ZBTB47: variants seen among roughly 807,000 people sequenced by gnomAD.
The protein encoded by ZBTB47 is zinc finger and BTB domain-containing protein 47.
A neutral mutation model predicts 56.6 loss-of-function variants in ZBTB47; 24 were observed. That is an observed-to-expected ratio of 0.42 (90% CI 0.31 to 0.60). ZBTB47 has a LOEUF of 0.60. ZBTB47 is among the 20% of genes least tolerant of loss of function. The probability of loss-of-function intolerance (pLI) is 0.14; values close to 1 mark genes in which losing one functional copy is unlikely to be tolerated. For synonymous variants in ZBTB47, 414 were observed against 418.9 expected (o/e 0.99, Z 0.14); for missense variants, 829 against 1,032.6 (o/e 0.80, Z 2.70).
Position 42,664,511 on chromosome 3 carries a change from C to T in ZBTB47, c.2157C>T (p.Thr719=), listed in dbSNP as rs1452781758. ...CCCTGCTCCCGGGGCTGCCCCAGAC[C>T]CTGCCGCCCCCGCCCCACCTGCCGC... is the stretch of plus-strand genomic sequence containing the variant. ...ALPLLPGLPQ[T]LPPPPHLPPP... is the part of the protein sequence containing the mutation. Residue 719 remains threonine, a synonymous_variant, in exon 6 of 6, where the codon ACC becomes ACT. Transcript: ENST00000232974. 2.1e-6 allele frequency: 3 copies of T among 1,435,638 alleles called. No individual in the cohort carries two copies. The highest frequency in any genetic ancestry group is 5.6e-5 in the Admixed American group (2 of 35,732). 88.9% of individuals were successfully genotyped at this position (1,435,638 alleles called of 1,614,324 possible). A position where few individuals can be genotyped will look rare whatever the true frequency, so the allele number is the denominator to read the frequency against.
rs1054646889 is a variant in ZBTB47, at chr3:42,656,206, G to A, written c.-81-2069G>A. Among the ~76,000 whole-genome samples, 1 of 152,236 alleles carries A rather than the reference G, an allele frequency of 6.6e-6. No individual in the cohort carries two copies. Among genetic ancestry groups the A allele is most frequent in the Non-Finnish European group, 1.5e-5 (1 of 68,030 alleles). On this transcript the variant is annotated intron_variant, in intron 1 of 5. Coordinates refer to ENST00000232974, the MANE Select transcript of ZBTB47 (RefSeq NM_145166.4). The surrounding 1 kb of genome is among the most constrained non-coding windows in gnomAD (Gnocchi z 5.8). ...CCTGCAGGTGCAGTGGCTCTAGGGA[G>A]GAGGGAGCAGGTAGAGGGGATAGTG...
At position 42,654,999 on chromosome 3, in the gene ZBTB47, G is replaced by A. The variant is rs181760200; in HGVS notation, c.-82+1116G>A. On this transcript the variant is annotated intron_variant, in intron 1 of 5. Transcript: ENST00000232974. This position sits in a 1 kb window ranked among gnomAD's most constrained non-coding sequence, Gnocchi z 5.0. ...GGCGCCGCCCTCGGGCTGGGTAATG[G>A]GGGGAAGAGGGAGTCGGATTCCCGC... 1.1e-3 allele frequency among the ~76,000 whole-genome samples: 171 copies of A among 152,250 alleles called. No individual in the cohort carries two copies. The highest frequency in any genetic ancestry group is 2.0e-3 in the Non-Finnish European group (137 of 67,996).
In ZBTB47 at chr3:42,654,766, C is replaced by T. The variant is rs1577623300; in HGVS notation, c.-82+883C>T. On this transcript the variant is annotated intron_variant, in intron 1 of 5. Transcript: ENST00000232974. This position sits in a 1 kb window ranked among gnomAD's most constrained non-coding sequence, Gnocchi z 5.0. ...AGCTCTGACCTCCCAGGCACACGGCCCGCGGGCCCGGGTGGAGGGGCTGGA... is the reference window on the plus strand; with the variant it reads ...AGCTCTGACCTCCCAGGCACACGGCTCGCGGGCCCGGGTGGAGGGGCTGGA... 1 of 970,782 alleles carries T rather than the reference C, an allele frequency of 1.0e-6. No homozygotes were observed. The highest frequency in any genetic ancestry group is 1.2e-6 in the Non-Finnish European group (1 of 816,618). The allele number at this position is 970,782 out of a possible 1,614,324, so 60.1% of individuals were successfully genotyped here.
chr3:42,656,952 G>T lies in ZBTB47; in HGVS notation c.-81-1323G>T, dbSNP rs1559606200. ...ATGGTTTTGTGGCCATCAAAATATTGTGGCAAGGTACCTCCCGAATGCAGG... is the reference window on the plus strand; with the variant it reads ...ATGGTTTTGTGGCCATCAAAATATTTTGGCAAGGTACCTCCCGAATGCAGG... On this transcript the variant is annotated intron_variant, in intron 1 of 5. Transcript: ENST00000232974. This position sits in a 1 kb window ranked among gnomAD's most constrained non-coding sequence, Gnocchi z 5.8. 1.3e-5 allele frequency among the ~76,000 whole-genome samples: 2 copies of T among 152,166 alleles called. No homozygotes were observed. The highest frequency in any genetic ancestry group is 2.9e-5 in the Non-Finnish European group (2 of 68,026).
In ZBTB47 at chr3:42,663,945, C is replaced by A. The variant is rs918953486; in HGVS notation, c.1882+4C>A. 3 of 1,608,074 alleles carry A rather than the reference C, an allele frequency of 1.9e-6. No homozygotes were observed. The highest frequency in any genetic ancestry group is 2.2e-5 in the South Asian group (2 of 90,362). On this transcript the variant is annotated splice_donor_region_variant and intron_variant, in intron 5 of 5. Transcript: ENST00000232974. This position sits in a 1 kb window ranked among gnomAD's most constrained non-coding sequence, Gnocchi z 5.1. The stretch of plus-strand genomic sequence containing the variant: ...GAGCACATGAAGACCCACACAGGTG[C>A]GGCTGCCCCTGGGGACGGAGCTCGG...
rs555819560 is a variant in ZBTB47 at position 42,658,844 on chromosome 3, C to T, written c.489C>T (p.Tyr163=). The T allele has an allele frequency of 2.2e-5, 34 of 1,532,810 alleles. No individual in the cohort carries two copies. In the East Asian group the frequency reaches 6.6e-4, roughly 30 times the overall value. The allele number at this position is 1,532,810 out of a possible 1,614,324, so 95.0% of individuals were successfully genotyped here. A position where few individuals can be genotyped will look rare whatever the true frequency, so the allele number is the denominator to read the frequency against. The change falls in exon 2 of 6, where the codon TAC becomes TAT. Residue 163 remains tyrosine, a synonymous_variant. Coordinates refer to ENST00000232974, the MANE Select transcript of ZBTB47 (RefSeq NM_145166.4). Reference sequence around the variant, plus strand: ...ATGCCCGCGAGGGCCCTGACCCTTACTCGGTGCGTGTTGAGGACGGGGCAG... The same window carrying T: ...ATGCCCGCGAGGGCCCTGACCCTTATTCGGTGCGTGTTGAGGACGGGGCAG... The part of the protein sequence containing the change: ...KIYAREGPDP[Y]SVRVEDGAGT...
At position 42,658,433 on chromosome 3, in the gene ZBTB47, C is replaced by A. The variant is rs1436122951; in HGVS notation, c.78C>A (p.Ser26Arg). The change falls in exon 2 of 6, where the codon AGC becomes AGA. Residue 26 changes from serine to arginine, a missense_variant. Ser to Arg is a moderately radical substitution (Grantham distance 110). Coordinates refer to ENST00000232974, the MANE Select transcript of ZBTB47 (RefSeq NM_145166.4). ...DVDLVLVPQR[S>R]VFPAHKGVLA... ...ACTTGGTGCTGGTGCCCCAGCGCAG[C>A]GTCTTTCCGGCACACAAGGGTGTGC... 1.3e-6 allele frequency: 2 copies of A among 1,537,034 alleles called. No individual in the cohort carries two copies. Among genetic ancestry groups the A allele is most frequent in the South Asian group, 1.2e-5 (1 of 84,062 alleles).
At position 42,666,313 on chromosome 3, in the gene ZBTB47, T is replaced by C. The variant is rs1345313062; in HGVS notation, c.*1715T>C. The stretch of plus-strand genomic sequence containing the variant: ...GTACGCTCAGGCGCTCCTGCTGTCC[T>C]GGGGGAGAGAAGGTTCGCCCCTCCC... On this transcript the variant is annotated 3_prime_UTR_variant, in exon 6 of 6. Transcript: ENST00000232974. Among the ~76,000 whole-genome samples, 3 of 152,192 alleles carry C rather than the reference T, an allele frequency of 2.0e-5. No homozygotes were observed. Among genetic ancestry groups the C allele is most frequent in the Non-Finnish European group, 4.4e-5 (3 of 68,028 alleles).
chr3:42,658,204 A>T, intron 1 of ZBTB47, 71 bp from the exon 2 acceptor site: 1 of 1,407,170 alleles, frequency 7.1e-7, no homozygotes, highest in South Asian at 1.5e-5. Flanking sequence ...CAATGCTGGG[A>T]GTGGTGCTGG....
At chr3:42,664,073 C>T in intron 5 of ZBTB47, 132 bp downstream of exon 5, 2 of 1,468,442 alleles carry the variant, frequency 1.4e-6, no homozygotes, top group Non-Finnish European at 1.8e-6. Flanking sequence ...TGCTTCCTGC[C>T]TCCCAGGGTT....
At position 42,654,969 on chromosome 3, in the gene ZBTB47, C is replaced by G. The variant is rs1710621116; in HGVS notation, c.-82+1086C>G. Among the ~76,000 whole-genome samples the G allele has an allele frequency of 6.6e-6, 1 of 152,040 alleles. No individual in the cohort carries two copies. The highest frequency in any genetic ancestry group is 2.1e-4 in the South Asian group (1 of 4,826). On this transcript the variant is annotated intron_variant, in intron 1 of 5. Coordinates refer to ENST00000232974, the MANE Select transcript of ZBTB47 (RefSeq NM_145166.4). This position sits in a 1 kb window ranked among gnomAD's most constrained non-coding sequence, Gnocchi z 5.0. ...GCGAAGGGGGGCGCTCCCCTGCGCC[C>G]GGACGGCGCCGCCCTCGGGCTGGGT...
intron 2 of ZBTB47, 119 bp downstream of exon 2, chr3:42,659,947 G>C: frequency 7.3e-7 from 1 of 1,373,916 alleles, no homozygotes; most frequent in South Asian, 1.5e-5. Context: ...GCGGAGACCA[G>C]ACTTAGCCCC....
In ZBTB47 at chr3:42,664,344, G is replaced by A. The variant is rs756092042; in HGVS notation, c.1990G>A (p.Val664Met). ...GGGCGAGAAGCCGTACCCGTGCGAC[G>A]TGTGTGGCCAGCGCTTCCGCTTCTC... is the stretch of plus-strand genomic sequence containing the variant. ...HTGEKPYPCDVCGQRFRFSNM... is the reference protein window; with the variant it reads ...HTGEKPYPCDMCGQRFRFSNM... Residue 664 changes from valine to methionine, a missense_variant, in exon 6 of 6, where the codon GTG (valine) becomes ATG (methionine). By Grantham distance (21) the Val-to-Met change is conservative. Coordinates refer to ENST00000232974, the MANE Select transcript of ZBTB47 (RefSeq NM_145166.4). 3.7e-6 allele frequency: 6 copies of A among 1,612,722 alleles called. No individual in the cohort carries two copies. The highest frequency in any genetic ancestry group is 3.3e-4 in the Middle Eastern group (2 of 6,076).
upstream of ZBTB47, among the ~76,000 whole-genome samples, chr3:42,652,956 T>G (rs1025375987): frequency 5.3e-5 from 8 of 152,332 alleles, no homozygotes; most frequent in African/African-American, 1.9e-4. Context: ...GCGGGCTAGC[T>G]GGTCAGAAGC....
At position 42,659,585 on chromosome 3, in the gene ZBTB47, GGCCTCTGCATCGGCCCGAGGGCCGCCA is replaced by G. The variant is rs1710688449; in HGVS notation, c.1234_1260del (p.Ser412_Ala420del). ...AGAGGCCAAAGCCACCCCCTGGAGTGGCCTCTGCATCGGCCCGAGGGCCGCCAGCCACTGATGGGCTGGGGGCCAAGG... is the reference window on the plus strand; with the variant it reads ...AGAGGCCAAAGCCACCCCCTGGAGTGGCCACTGATGGGCTGGGGGCCAAGG... On this transcript the variant is annotated inframe_deletion, in exon 2 of 6. Transcript: ENST00000232974. 5.6e-6 allele frequency: 9 copies of G among 1,602,898 alleles called. No homozygotes were observed. The highest frequency in any genetic ancestry group is 7.7e-6 in the Non-Finnish European group (9 of 1,174,764).
In ZBTB47 at chr3:42,656,391, T is replaced by C. The variant is rs1162966264; in HGVS notation, c.-81-1884T>C. ...GCTCTGGACTGTGGAACCCTCTCAT[T>C]CTGAGCCTCGGTTTCTCCATCTGTG... On this transcript the variant is annotated intron_variant, in intron 1 of 5. Transcript: ENST00000232974. The surrounding 1 kb of genome is among the most constrained non-coding windows in gnomAD (Gnocchi z 5.8). 6.6e-6 allele frequency among the ~76,000 whole-genome samples: 1 copy of C among 152,134 alleles called. No homozygotes were observed. The highest frequency in any genetic ancestry group is 1.9e-4 in the East Asian group (1 of 5,178).
Position 42,664,758 on chromosome 3 carries a change from G to T in ZBTB47, c.*160G>T. On this transcript the variant is annotated 3_prime_UTR_variant, in exon 6 of 6. Transcript: ENST00000232974. ...CTGCCTGAGGCCCCGACGAGGAGGG[G>T]TATGCAGGCTGGCAGGCCCCAGAGC... is the stretch of plus-strand genomic sequence containing the variant. 2.4e-6 allele frequency: 2 copies of T among 847,336 alleles called. No homozygotes were observed. The highest frequency in any genetic ancestry group is 4.1e-5 in the South Asian group (1 of 24,470). The allele number at this position is 847,336 out of a possible 1,614,324, so 52.5% of individuals were successfully genotyped here. A position where few individuals can be genotyped will look rare whatever the true frequency, so the allele number is the denominator to read the frequency against.
rs900269534 is a variant in ZBTB47, at chr3:42,665,418, T to C, written c.*820T>C. On this transcript the variant is annotated 3_prime_UTR_variant, in exon 6 of 6. Transcript: ENST00000232974. ...CCAGACCCTCCTTGGGCAGACAGGC[T>C]GACTGGCAGCACCAGCTTTGGGGGC... 2 of 152,852 alleles carry C rather than the reference T, an allele frequency of 1.3e-5. No homozygotes were observed. Among genetic ancestry groups the C allele is most frequent in the African/African-American group, 2.4e-5 (1 of 41,426 alleles). 9.5% of individuals were successfully genotyped at this position (152,852 alleles called of 1,614,324 possible).
In ZBTB47 at chr3:42,659,127, G is replaced by C; in HGVS notation, c.772G>C (p.Gly258Arg). Reference protein sequence around the residue: ...STGPEGKPGAGPSPATVVLGR... With the variant: ...STGPEGKPGARPSPATVVLGR... Reference sequence around the variant, plus strand: ...GGGGCCAGAGGGGAAGCCAGGTGCCGGGCCAAGCCCAGCCACCGTGGTTCT... The same window carrying C: ...GGGGCCAGAGGGGAAGCCAGGTGCCCGGCCAAGCCCAGCCACCGTGGTTCT... The change falls in exon 2 of 6, where the codon GGG becomes CGG. Residue 258 changes from glycine to arginine, a missense_variant. Gly to Arg is a moderately radical substitution (Grantham distance 125, BLOSUM62 -2). Around this residue, in one of 6 missense-constraint regions of ZBTB47, gnomAD observed 359 missense variants for 359.8 expected, o/e 1.00. Coordinates refer to ENST00000232974, the MANE Select transcript of ZBTB47 (RefSeq NM_145166.4). The C allele has an allele frequency of 2.7e-6, 4 of 1,499,128 alleles. No individual in the cohort carries two copies. In the South Asian group the frequency reaches 3.9e-5, roughly 15 times the overall value. 92.9% of individuals were successfully genotyped at this position (1,499,128 alleles called of 1,614,324 possible).
Sources: allele counts gnomAD v4.1 joint callset (sites outside exome capture counted in the v4.1 genomes callset), GRCh38; gene constraint gnomAD v4.1.1; regional missense constraint gnomAD v4.1.1; non-coding constraint Gnocchi (gnomAD v3.1); transcripts MANE v1.5; gene names NCBI Gene and HGNC (gene_info 2026-07-23, HGNC 2026-07-21).